Variants in GRIN3A observed in about 807,000 individuals in gnomAD.
GRIN3A encodes glutamate receptor ionotropic, NMDA 3A.
GRIN3A carries 47 observed loss-of-function variants against 92.4 expected under a neutral mutation model. That is an observed-to-expected ratio of 0.51 (90% CI 0.40 to 0.65). GRIN3A has a LOEUF of 0.65. Among genes scored for constraint, GRIN3A ranks in the 30% least tolerant of loss-of-function variants. The probability of loss-of-function intolerance (pLI) is 0.00; values close to 1 mark genes in which losing one functional copy is unlikely to be tolerated. For missense variants in GRIN3A, 1,324 were observed against 1,393.1 expected (o/e 0.95, Z 0.79); for synonymous variants, 527 against 540.6 (o/e 0.97, Z 0.35).
chr9:101,694,709 C>T (rs1298782296), intron 1 of GRIN3A, among the ~76,000 whole-genome samples: 1 of 152,116 alleles, frequency 6.6e-6, no homozygotes, highest in East Asian at 1.9e-4. Context: ...CACCAACATA[C>T]TTGGGAATGA....
chr9:101,712,035 G>A (rs923473642), intron 1 of GRIN3A, among the ~76,000 whole-genome samples: 2 of 152,096 alleles, frequency 1.3e-5, no homozygotes, highest in Non-Finnish European at 2.9e-5. Context: ...TCAGCTTTAT[G>A]GGGCTACCCC....
At chr9:101,573,662 G>T in intron 8 of GRIN3A, 149 bp from the exon 9 acceptor site, 1 of 688,600 alleles carries the variant, frequency 1.5e-6, no homozygotes, top group Non-Finnish European at 2.6e-6. Context: ...CTACCTGCTA[G>T]GGTGTCATGG....
At chr9:101,638,817 C>A (rs1181103836) in intron 3 of GRIN3A, among the ~76,000 whole-genome samples, 1 of 152,192 alleles carries the variant, frequency 6.6e-6, no homozygotes, top group Admixed American at 6.5e-5. Flanking sequence ...GCATTACTAG[C>A]TATCCCCTTA....
At chr9:101,677,760 G>A (rs1397803177) in intron 2 of GRIN3A, among the ~76,000 whole-genome samples, 1 of 152,056 alleles carries the variant, frequency 6.6e-6, no homozygotes, top group East Asian at 1.9e-4. Flanking sequence ...GAGCTTACCT[G>A]TGGTCCAATT....
chr9:101,692,027 A>G (rs1467066604), intron 1 of GRIN3A, among the ~76,000 whole-genome samples: 1 of 152,204 alleles, frequency 6.6e-6, no homozygotes, highest in African/African-American at 2.4e-5. Context: ...GCCCATAAGT[A>G]GTAGTTGTTA....
At chr9:101,643,767 A>G (rs1376542336) in intron 3 of GRIN3A, among the ~76,000 whole-genome samples, 1 of 150,956 alleles carries the variant, frequency 6.6e-6, no homozygotes, top group Non-Finnish European at 1.5e-5. Flanking sequence ...GTGAACTCAG[A>G]GGATATTATG....
At chr9:101,659,292 A>G (rs1349085157) in intron 3 of GRIN3A, among the ~76,000 whole-genome samples, 1 of 151,720 alleles carries the variant, frequency 6.6e-6, no homozygotes, top group African/African-American at 2.4e-5. Context: ...CAAGATATAT[A>G]TGTATATAAA....
chr9:101,579,910 A>G (rs1564118060), intron 6 of GRIN3A, among the ~76,000 whole-genome samples: 3 of 152,142 alleles, frequency 2.0e-5, no homozygotes, highest in African/African-American at 7.2e-5. Flanking sequence ...CTTCCTAAAA[A>G]ATGACCACAA....
At chr9:101,724,693 G>A (rs755807829) in intron 1 of GRIN3A, among the ~76,000 whole-genome samples, 1 of 152,326 alleles carries the variant, frequency 6.6e-6, no homozygotes, top group South Asian at 2.1e-4. Context: ...AGTCTCACAC[G>A]ATGTGATGGG....
chr9:101,591,899 CTT>C (rs1828031275), intron 6 of GRIN3A: 1 of 152,204 alleles, frequency 6.6e-6, no homozygotes, highest in Non-Finnish European at 1.5e-5. Context: ...CATTTCCTCT[CTT>C]TGTTAAATGT....
chr9:101,673,592 T>G (rs866300933), intron 2 of GRIN3A, among the ~76,000 whole-genome samples: 1 of 152,172 alleles, frequency 6.6e-6, no homozygotes, highest in African/African-American at 2.4e-5. Context: ...GGAATGACAA[T>G]GCATAGCAAA....
chr9:101,632,605 TC>T (rs1828730189), intron 3 of GRIN3A, among the ~76,000 whole-genome samples: 1 of 152,222 alleles, frequency 6.6e-6, no homozygotes. Flanking sequence ...ACTAATTTTT[TC>T]CTTTGTTACT....
intron 3 of GRIN3A, among the ~76,000 whole-genome samples, chr9:101,665,443 A>C (rs566761118): frequency 1.1e-4 from 17 of 152,076 alleles, no homozygotes; most frequent in South Asian, 4.1e-4. Flanking sequence ...GAAGCACAGC[A>C]AAACTTTCTT....
chr9:101,666,433 G>C (rs1829237664), intron 3 of GRIN3A, among the ~76,000 whole-genome samples: 1 of 151,908 alleles, frequency 6.6e-6, no homozygotes, highest in Non-Finnish European at 1.5e-5. Flanking sequence ...ACAAGTTGGA[G>C]CTAAGTGATG....
chr9:101,602,619 G>T (rs543288206), intron 6 of GRIN3A, among the ~76,000 whole-genome samples: 1 of 152,262 alleles, frequency 6.6e-6, no homozygotes, highest in Non-Finnish European at 1.5e-5. Flanking sequence ...ATTTAACCAG[G>T]GGAAAAGCAA....
Position 101,670,129 on chromosome 9 carries a change from C to T in GRIN3A, c.2283G>A (p.Thr761=), listed in dbSNP as rs370763182. The T allele has an allele frequency of 2.7e-5, 43 of 1,613,568 alleles. No individual in the cohort carries two copies. The highest frequency in any genetic ancestry group is 2.1e-4 in the African/African-American group (16 of 74,862). The change falls in exon 3 of 9, where the codon ACG becomes ACA. Residue 761 remains threonine, a synonymous_variant. Transcript: ENST00000361820. ...CTACCATGACAGCAGCCAAGTTTGC[C>T]GTGTATGTGGAAAGGCAAAACATAC... The part of the protein sequence containing the change: ...IFCMFCLSTY[T]ANLAAVMVGE...
intron 1 of GRIN3A, among the ~76,000 whole-genome samples, chr9:101,691,647 G>A (rs1829622542): frequency 6.6e-6 from 1 of 152,132 alleles, no homozygotes; most frequent in Non-Finnish European, 1.5e-5. Flanking sequence ...ATAAATGGTT[G>A]GAGCCACCAT....
intron 1 of GRIN3A, among the ~76,000 whole-genome samples, chr9:101,735,214 A>T (rs1217737716): frequency 4.0e-5 from 6 of 151,878 alleles, no homozygotes; most frequent in African/African-American, 1.4e-4. Context: ...GATGAAAGAA[A>T]ATGTAGTCAG....
intron 3 of GRIN3A, among the ~76,000 whole-genome samples, chr9:101,663,574 A>G (rs78050368): frequency 0.072 from 10,866 of 151,776 alleles, 519 homozygotes; most frequent in East Asian, 0.22. Context: ...CTTTCATTAT[A>G]TGAATTCATA....
Sources: allele counts gnomAD v4.1 joint callset (sites outside exome capture counted in the v4.1 genomes callset), GRCh38; gene constraint gnomAD v4.1.1; transcripts MANE v1.5; gene names NCBI Gene and HGNC (gene_info 2026-07-23, HGNC 2026-07-21).